The following CTNNA1 variants were observed in gnomAD, a reference collection of about 807,000 sequenced individuals.
The protein encoded by CTNNA1 is catenin alpha 1.
In CTNNA1, 37 loss-of-function variants were observed where a neutral mutation model predicts 98.4. The ratio of observed to expected loss-of-function variants is 0.38; its 90% CI spans 0.29 to 0.49. The LOEUF is 0.49. Among genes scored for constraint, CTNNA1 ranks in the 20% least tolerant of loss-of-function variants. CTNNA1 has a pLI of 0.95. For synonymous variants in CTNNA1, 404 were observed against 413.2 expected, an observed-to-expected ratio of 0.98 and a Z score of 0.27; for missense variants, 761 against 1,147.2, an observed-to-expected ratio of 0.66 and a Z score of 4.86.
intron 1 of CTNNA1, among the ~76,000 whole-genome samples, chr5:138,777,040 A>G (rs1183429661): frequency 2.0e-5 from 3 of 152,120 alleles, no homozygotes; most frequent in East Asian, 1.9e-4. Context: ...TGCCGGGCAG[A>G]GACGCTCCTC....
At chr5:138,900,627 C>T (rs544359556) in intron 9 of CTNNA1, among the ~76,000 whole-genome samples, 36 of 152,224 alleles carry the variant, frequency 2.4e-4, no homozygotes, top group Non-Finnish European at 4.6e-4. Flanking sequence ...CTAAATGAAA[C>T]TTCATTTAAC....
intron 1 of CTNNA1, among the ~76,000 whole-genome samples, chr5:138,780,714 C>T (rs1012662274): frequency 2.0e-5 from 3 of 151,884 alleles, no homozygotes; most frequent in Admixed American, 6.6e-5. Flanking sequence ...CAGGGTTTAT[C>T]CTTGTTGGTC....
intron 7 of CTNNA1, among the ~76,000 whole-genome samples, chr5:138,854,129 G>A (rs541271723): frequency 6.6e-6 from 1 of 152,270 alleles, no homozygotes; most frequent in Admixed American, 6.5e-5. Context: ...CTTGTAAGTA[G>A]TTTTAAGAAT....
intron 12 of CTNNA1, 84 bp from the exon 13 acceptor site, chr5:138,925,172 C>A: frequency 2.0e-6 from 3 of 1,468,750 alleles, no homozygotes; most frequent in Non-Finnish European, 2.8e-6. Flanking sequence ...TCACCTCTTT[C>A]TGTCTAGCTG....
At chr5:138,780,283 G>C (rs1454786644) in intron 1 of CTNNA1, among the ~76,000 whole-genome samples, 2 of 151,562 alleles carry the variant, frequency 1.3e-5, no homozygotes, top group Admixed American at 6.6e-5. Flanking sequence ...TCCGTCTCTG[G>C]GGTTCACGCC....
intron 7 of CTNNA1, 40 bp downstream of exon 7, chr5:138,827,758 G>T (rs769357410): frequency 6.2e-7 from 1 of 1,608,016 alleles, no homozygotes; most frequent in African/African-American, 1.3e-5. Context: ...GATATTTATG[G>T]ATGAGGAGTT....
At chr5:138,892,262 A>G (rs1755545869) in intron 9 of CTNNA1, among the ~76,000 whole-genome samples, 1 of 151,640 alleles carries the variant, frequency 6.6e-6, no homozygotes, top group African/African-American at 2.4e-5. Flanking sequence ...ACACATACTT[A>G]CATATTTTCA....
chr5:138,797,455 A>G (rs1757096919), intron 3 of CTNNA1, among the ~76,000 whole-genome samples: 1 of 152,172 alleles, frequency 6.6e-6, no homozygotes, highest in Non-Finnish European at 1.5e-5. Flanking sequence ...GTGGAAATGA[A>G]AATCATTTCC....
intron 3 of CTNNA1, among the ~76,000 whole-genome samples, chr5:138,788,477 A>C (rs1755965437): frequency 6.6e-6 from 1 of 152,180 alleles, no homozygotes; most frequent in Admixed American, 6.5e-5. Context: ...TAAAGTATAC[A>C]ATGCAGTGTT....
At chr5:138,917,945 AC>A (rs1762160274) in intron 11 of CTNNA1, 47 bp downstream of exon 11, 1 of 1,591,812 alleles carries the variant, frequency 6.3e-7, no homozygotes, top group African/African-American at 1.3e-5. Flanking sequence ...GTTCATAATT[AC>A]TTTTGTCTAA....
At chr5:138,803,445 C>T (rs1009910874) in intron 3 of CTNNA1, among the ~76,000 whole-genome samples, 1 of 152,156 alleles carries the variant, frequency 6.6e-6, no homozygotes, top group Admixed American at 6.5e-5. Context: ...TGTGAGCCAC[C>T]GTGTCTGGTC....
intron 7 of CTNNA1, chr5:138,880,770 C>G: frequency 6.8e-6 from 2 of 292,864 alleles, no homozygotes; most frequent in Non-Finnish European, 1.4e-5. Flanking sequence ...AAGAATCGTT[C>G]AATTTTAGTG....
chr5:138,912,631 C>T (rs751208604), intron 10 of CTNNA1, among the ~76,000 whole-genome samples: 3 of 152,182 alleles, frequency 2.0e-5, no homozygotes, highest in Admixed American at 1.3e-4. Context: ...CCTTGCCACC[C>T]TTATGTCACA....
intron 3 of CTNNA1, among the ~76,000 whole-genome samples, chr5:138,789,936 C>G (rs1023185662): frequency 1.3e-5 from 2 of 152,010 alleles, no homozygotes; most frequent in Non-Finnish European, 2.9e-5. Context: ...TTTTTTTTCC[C>G]CTTAGAAACT....
At chr5:138,793,956 C>T (rs1756647362) in intron 3 of CTNNA1, among the ~76,000 whole-genome samples, 1 of 150,132 alleles carries the variant, frequency 6.7e-6, no homozygotes, top group African/African-American at 2.5e-5. Context: ...TGCTCTGATT[C>T]AGATGGGCTT....
intron 6 of CTNNA1, among the ~76,000 whole-genome samples, chr5:138,825,482 G>GTTTTTTTTTGTTTTTTTTTTTTTT (rs1760586979): frequency 5.4e-5 from 4 of 74,114 alleles, no homozygotes; most frequent in Admixed American, 1.9e-4. Flanking sequence ...AGCAGTATAA[G>GTTTTTTTTTGTTTTTTTTTTTTTT]TTTTTTTTTT....
At chr5:138,917,933 A>T (rs1762157316) in intron 11 of CTNNA1, 35 bp downstream of exon 11, 1 of 1,603,950 alleles carries the variant, frequency 6.2e-7, no homozygotes, top group Non-Finnish European at 8.5e-7. Flanking sequence ...GTATGTGAAG[A>T]TGTTCATAAT....
chr5:138,825,414 G>C (rs746788684), intron 6 of CTNNA1, among the ~76,000 whole-genome samples: 3 of 145,036 alleles, frequency 2.1e-5, no homozygotes, highest in Non-Finnish European at 4.5e-5. Context: ...TTAACTTTTT[G>C]GTGGGTTATG....
In CTNNA1 at chr5:138,757,177, CAG is replaced by C. The variant is rs763816436; in HGVS notation, c.-3+3670_-3+3671del. 7.9e-5 allele frequency among the ~76,000 whole-genome samples: 12 copies of C among 151,324 alleles called. No individual in the cohort carries two copies. In the East Asian group the frequency reaches 1.7e-3, roughly 22 times the overall value. On this transcript the variant is annotated intron_variant, in intron 1 of 17. Transcript: ENST00000302763. ...TCATGTCACACTGCAGCCTGGGTGA[CAG>C]AGTGAGACCCTGTCTCAAACAAAAG...
Sources: allele counts gnomAD v4.1 joint callset (sites outside exome capture counted in the v4.1 genomes callset), GRCh38; gene constraint gnomAD v4.1.1; transcripts MANE v1.5; gene names NCBI Gene and HGNC (gene_info 2026-07-23, HGNC 2026-07-21).